The following SSBP3 variants were observed in gnomAD, a reference collection of about 807,000 sequenced individuals.
The protein encoded by SSBP3 is single stranded DNA binding protein 3, also known as single-stranded DNA-binding protein 3.
A neutral mutation model predicts 69.6 loss-of-function variants in SSBP3; 5 were observed. The ratio of observed to expected loss-of-function variants is 0.07; its 90% CI spans 0.04 to 0.15. SSBP3 has a LOEUF of 0.15. SSBP3 is among the 10% of genes least tolerant of loss of function. The pLI, the probability that SSBP3 is intolerant of heterozygous loss-of-function variation, is 1.00. For synonymous variants in SSBP3, 196 were observed against 193.4 expected (o/e 1.01, Z -0.11); for missense variants, 312 against 534.0 (o/e 0.58, Z 4.10).
At chr1:54,227,295 C>A in intron 17 of SSBP3, 135 bp from the exon 18 acceptor site, 2 of 689,258 alleles carry the variant, frequency 2.9e-6, no homozygotes, top group South Asian at 1.7e-5. Context: ...AGCTGAGGGG[C>A]ACATGGTGGC....
upstream of SSBP3, among the ~76,000 whole-genome samples, chr1:54,407,749 ATTTTTTTTTTTT>A (rs532968816): frequency 3.1e-5 from 3 of 97,532 alleles, no homozygotes; most frequent in Non-Finnish European, 5.7e-5. Context: ...GCCTAGGTTG[ATTTTTTTTTTTT>A]TTTTTTTTTT....
chr1:54,333,325 A>G (rs1340361237), intron 4 of SSBP3, among the ~76,000 whole-genome samples: 1 of 152,032 alleles, frequency 6.6e-6, no homozygotes, highest in Non-Finnish European at 1.5e-5. Context: ...GAGTCAGGAG[A>G]GCAGATGCCT....
chr1:54,396,832 A>C (rs946441904), intron 4 of SSBP3, among the ~76,000 whole-genome samples: 4 of 152,220 alleles, frequency 2.6e-5, no homozygotes, highest in African/African-American at 9.6e-5. Context: ...CCGCCTTGAA[A>C]TAAAGGGCAA....
Position 54,316,656 on chromosome 1 carries a change from A to T in SSBP3, c.277-35129T>A, listed in dbSNP as rs11801097. ...GAGCGAGACTCCGTCTCAAAAAAAA[A>T]AAATAAAATAAATAAATAAATAAAT... is the stretch of plus-strand genomic sequence containing the variant. On this transcript the variant is annotated intron_variant, in intron 4 of 17. Transcript: ENST00000610401. Among the ~76,000 whole-genome samples, 10 of 53,912 alleles carry T rather than the reference A, an allele frequency of 1.9e-4. 1 individual carries two copies. Among genetic ancestry groups the T allele is most frequent in the African/African-American group, 8.7e-4 (8 of 9,238 alleles). 35.4% of individuals were successfully genotyped at this position (53,912 alleles called of 152,430 possible). A position where few individuals can be genotyped will look rare whatever the true frequency, so the allele number is the denominator to read the frequency against.
chr1:54,395,849 A>G (rs1028728994), intron 4 of SSBP3, among the ~76,000 whole-genome samples: 1 of 152,124 alleles, frequency 6.6e-6, no homozygotes, highest in Non-Finnish European at 1.5e-5. Flanking sequence ...AAAGAAATAC[A>G]CAACACAGAC....
intron 4 of SSBP3, among the ~76,000 whole-genome samples, chr1:54,343,158 G>A (rs1187830183): frequency 6.6e-6 from 1 of 152,204 alleles, no homozygotes; most frequent in African/African-American, 2.4e-5. Flanking sequence ...GGGAGGCTGT[G>A]CCCTAACCCT....
chr1:54,403,774 A>G (rs1649476662), intron 3 of SSBP3, among the ~76,000 whole-genome samples: 2 of 152,272 alleles, frequency 1.3e-5, no homozygotes, highest in South Asian at 4.1e-4. Context: ...CAAAGACTCC[A>G]CCAGTCAGTC....
chr1:54,270,175 C>G (rs1645168706), intron 5 of SSBP3, among the ~76,000 whole-genome samples: 1 of 152,180 alleles, frequency 6.6e-6, no homozygotes, highest in African/African-American at 2.4e-5. Context: ...TTCTGCTTTA[C>G]AGGTGGGGAA....
chr1:54,270,285 C>G (rs760701596), intron 5 of SSBP3, among the ~76,000 whole-genome samples: 1 of 152,182 alleles, frequency 6.6e-6, no homozygotes. Context: ...CTCCATCAGA[C>G]TCATGGTAGC....
rs1337723660 is a variant in SSBP3 at position 54,247,158 on chromosome 1, G to A, written c.652-3859C>T. On this transcript the variant is annotated intron_variant, in intron 9 of 17. Coordinates refer to ENST00000610401, the Ensembl canonical transcript of SSBP3. ...AGCTGTCTGGGGCTGCAGCCTGGAGGCGGTGGCTGCTGCTCCCTCCTGCCA... is the reference window on the plus strand; with the variant it reads ...AGCTGTCTGGGGCTGCAGCCTGGAGACGGTGGCTGCTGCTCCCTCCTGCCA... Among the ~76,000 whole-genome samples the A allele has an allele frequency of 2.0e-5, 3 of 152,238 alleles. No homozygotes were observed. In the East Asian group the frequency reaches 5.8e-4, roughly 29 times the overall value.
intron 4 of SSBP3, among the ~76,000 whole-genome samples, chr1:54,304,149 C>T (rs940836146): frequency 5.3e-5 from 8 of 152,166 alleles, no homozygotes; most frequent in Non-Finnish European, 1.0e-4. Flanking sequence ...ATGACGAGTT[C>T]TGAACACAAC....
chr1:54,376,676 A>C (rs1008244854), intron 4 of SSBP3, among the ~76,000 whole-genome samples: 3 of 152,174 alleles, frequency 2.0e-5, no homozygotes, highest in African/African-American at 7.2e-5. Flanking sequence ...TGATTGTTTC[A>C]GTTTCAAATT....
upstream of SSBP3, among the ~76,000 whole-genome samples, chr1:54,409,224 A>T (rs1649926804): frequency 1.3e-5 from 2 of 151,898 alleles, no homozygotes; most frequent in African/African-American, 4.8e-5. Context: ...CCATCCTTTA[A>T]GGCTAACATC....
At chr1:54,251,328 A>T (rs2100708944) in intron 9 of SSBP3, among the ~76,000 whole-genome samples, 1 of 152,276 alleles carries the variant, frequency 6.6e-6, no homozygotes, top group East Asian at 1.9e-4. Context: ...ATGATAGGCT[A>T]CCGCACCCCA....
intron 5 of SSBP3, among the ~76,000 whole-genome samples, chr1:54,270,847 G>A (rs1209539121): frequency 1.3e-5 from 2 of 152,180 alleles, no homozygotes; most frequent in Non-Finnish European, 2.9e-5. Context: ...AGCAACTGAG[G>A]TTCAGAGAGG....
exon 18 of SSBP3, chr1:54,226,349 A>C (rs1644284722): frequency 6.5e-6 from 1 of 153,338 alleles, no homozygotes; most frequent in South Asian, 2.1e-4. Context: ...CCACAGGATG[A>C]GGGTGCTGGG....
chr1:54,298,315 C>T (rs951001107), intron 4 of SSBP3, among the ~76,000 whole-genome samples: 3 of 152,030 alleles, frequency 2.0e-5, no homozygotes, highest in Non-Finnish European at 2.9e-5. Flanking sequence ...ACGGAAGGCA[C>T]GAACCCAGAC....
intron 4 of SSBP3, among the ~76,000 whole-genome samples, chr1:54,341,517 A>T (rs1173279005): frequency 6.6e-6 from 1 of 152,126 alleles, no homozygotes; most frequent in Non-Finnish European, 1.5e-5. Context: ...TTCCACAAGG[A>T]TTTACTGAGC....
chr1:54,280,740 T>C (rs7523340), intron 5 of SSBP3, among the ~76,000 whole-genome samples: 9 of 119,348 alleles, frequency 7.5e-5, no homozygotes, highest in Non-Finnish European at 1.7e-4. Context: ...GCAGAGAGGG[T>C]GGCAGCCGCG....
Sources: gnomAD v4.1 joint callset for allele counts (sites outside exome capture counted in the v4.1 genomes callset) on GRCh38, gnomAD v4.1.1 for gene constraint, MANE v1.5 for transcripts, NCBI Gene and HGNC (gene_info 2026-07-23, HGNC 2026-07-21) for gene names.